Variants in ADGB observed in about 807,000 individuals in gnomAD.
The protein encoded by ADGB is androglobin.
A neutral mutation model predicts 210.5 loss-of-function variants in ADGB; 172 were observed. The ratio of observed to expected loss-of-function variants is 0.82; its 90% CI spans 0.72 to 0.93. The LOEUF is 0.93. ADGB is among the 40% of genes least tolerant of loss of function. ADGB has a pLI of 0.00. For synonymous variants in ADGB, 658 were observed against 662.7 expected, an observed-to-expected ratio of 0.99 and a Z score of 0.11; for missense variants, 2,025 against 1,964.8, an observed-to-expected ratio of 1.03 and a Z score of -0.58.
rs746736928 is a variant in ADGB, at chr6:146,656,874, T to C, written c.506T>C (p.Leu169Pro). 6.4e-7 allele frequency: 1 copy of C among 1,551,572 alleles called. No individual in the cohort carries two copies. The highest frequency in any genetic ancestry group is 1.2e-5 in the South Asian group (1 of 84,018). Residue 169 changes from leucine to proline, a missense_variant, in exon 5 of 36, where the codon CTC (leucine) becomes CCC (proline). By Grantham distance (98) the Leu-to-Pro change is moderately conservative. Transcript: ENST00000397944. ...FKGTSGEPPLLPWKPWEHIYS... is the reference protein window; with the variant it reads ...FKGTSGEPPLPPWKPWEHIYS... The stretch of plus-strand genomic sequence containing the variant: ...GGGACTTCAGGGGAACCTCCTCTTC[T>C]CCCCTGGAAGCCCTGGGAACACATA...
intron 7 of ADGB, among the ~76,000 whole-genome samples, chr6:146,668,331 G>A (rs1775964115): frequency 6.6e-6 from 1 of 152,038 alleles, no homozygotes; most frequent in Non-Finnish European, 1.5e-5. Context: ...AGAGATTAGA[G>A]GAGGTTGAAG....
intron 1 of ADGB, 53 bp from the exon 2 acceptor site, chr6:146,635,322 G>T: frequency 7.5e-7 from 1 of 1,326,372 alleles, no homozygotes; most frequent in South Asian, 2.1e-5. Flanking sequence ...TCCAATATTT[G>T]ATCTCAGAGA....
chr6:146,715,289 T>TA (rs1405393680), intron 13 of ADGB, 93 bp from the exon 14 acceptor site: 1 of 1,118,520 alleles, frequency 8.9e-7, no homozygotes, highest in Non-Finnish European at 1.3e-6. Context: ...CTTCAAAGTT[T>TA]AAAAAAACTA....
intron 6 of ADGB, among the ~76,000 whole-genome samples, chr6:146,666,519 A>T: frequency 6.6e-6 from 1 of 152,092 alleles, no homozygotes; most frequent in East Asian, 1.9e-4. Flanking sequence ...TATTCTAATT[A>T]TATATTTCAT....
chr6:146,667,199 G>T (rs1775948732), intron 7 of ADGB, among the ~76,000 whole-genome samples: 1 of 151,902 alleles, frequency 6.6e-6, no homozygotes. Flanking sequence ...ATTTCCATGG[G>T]AAATCTACAA....
At chr6:146,624,485 A>G (rs1780944493) in intron 1 of ADGB, among the ~76,000 whole-genome samples, 1 of 151,860 alleles carries the variant, frequency 6.6e-6, no homozygotes. Flanking sequence ...CAATCTGATG[A>G]AAGGTTGTTA....
At position 146,740,590 on chromosome 6, in the gene ADGB, T is replaced by G. The variant is rs1468660899; in HGVS notation, c.3020T>G (p.Phe1007Cys). 1.3e-6 allele frequency: 2 copies of G among 1,550,270 alleles called. No individual in the cohort carries two copies. The change falls in exon 24 of 36, where the codon TTC becomes TGC. Residue 1007 changes from phenylalanine (F) to cysteine (C), a missense_variant. Physicochemically the swap from Phe to Cys is radical, Grantham distance 205 (BLOSUM62 -2). Transcript: ENST00000397944. ...EQPPNSWFIV[F>C]RETFLVHQDM... ...CCACCAAATTCTTGGTTTATAGTAT[T>G]CAGGTGAGGTTGTTATATAGTGACA...
At chr6:146,633,525 T>G (rs1313117582) in intron 1 of ADGB, among the ~76,000 whole-genome samples, 1 of 152,028 alleles carries the variant, frequency 6.6e-6, no homozygotes, top group African/African-American at 2.4e-5. Flanking sequence ...CTCACACAGC[T>G]TAAGGCACAC....
At chr6:146,679,241 C>A (rs1228034501) in intron 9 of ADGB, among the ~76,000 whole-genome samples, 1 of 152,148 alleles carries the variant, frequency 6.6e-6, no homozygotes, top group East Asian at 1.9e-4. Context: ...TACCACATTC[C>A]ACTTTCCTGA....
At chr6:146,640,014 T>A (rs1775483972) in intron 2 of ADGB, among the ~76,000 whole-genome samples, 1 of 151,822 alleles carries the variant, frequency 6.6e-6, no homozygotes, top group Admixed American at 6.6e-5. Flanking sequence ...GGCCACTAGC[T>A]AGGCTAATAA....
chr6:146,605,600 T>C (rs556901794), intron 1 of ADGB, among the ~76,000 whole-genome samples: 1 of 152,160 alleles, frequency 6.6e-6, no homozygotes, highest in Admixed American at 6.5e-5. Flanking sequence ...AGCTAAACCA[T>C]AAACTCCCTG....
In ADGB at chr6:146,599,059, A is replaced by G. The variant is rs1780512750; in HGVS notation, c.19A>G (p.Lys7Glu). MASKQT[K>E]KKEVHRINSA... ...TTCTGCCATGGCCTCCAAACAAACCAAAAAGAAAGAGGTGCATCGTATCAA... is the reference window on the plus strand; with the variant it reads ...TTCTGCCATGGCCTCCAAACAAACCGAAAAGAAAGAGGTGCATCGTATCAA... Residue 7 changes from lysine to glutamate, a missense_variant, in exon 1 of 36, where the codon AAA becomes GAA. Lys to Glu is a moderately conservative substitution (Grantham distance 56). Coordinates refer to ENST00000397944, the MANE Select transcript of ADGB (RefSeq NM_024694.4). 2 of 1,551,646 alleles carry G rather than the reference A, an allele frequency of 1.3e-6. No homozygotes were observed. Among genetic ancestry groups the G allele is most frequent in the African/African-American group, 2.7e-5 (2 of 73,166 alleles).
chr6:146,644,669 C>T (rs1359948440), intron 2 of ADGB, 104 bp from the exon 3 acceptor site: 3 of 630,342 alleles, frequency 4.8e-6, no homozygotes, highest in African/African-American at 1.9e-5. Flanking sequence ...TTTGTAAAGG[C>T]TTATTGATTG....
Position 146,787,652 on chromosome 6 carries a change from CTTTCCTA to C in ADGB, c.4316-734_4316-728del, listed in dbSNP as rs1777893149. ...CAACATTTCTTCATGCTCTTAAGTA[CTTTCCTA>C]TTGCCACCTTTCTTATTTCAACATT... On this transcript the variant is annotated intron_variant, in intron 32 of 35. Transcript: ENST00000397944. 2.3e-4 allele frequency among the ~76,000 whole-genome samples: 28 copies of C among 120,094 alleles called. 1 individual carries two copies. Among genetic ancestry groups the C allele is most frequent in the Admixed American group, 1.7e-3 (19 of 11,196 alleles). The allele number at this position is 120,094 out of a possible 152,430, so 78.8% of individuals were successfully genotyped here.
intron 12 of ADGB, among the ~76,000 whole-genome samples, chr6:146,694,759 A>T (rs1245688292): frequency 6.6e-6 from 1 of 152,144 alleles, no homozygotes; most frequent in Non-Finnish European, 1.5e-5. Context: ...AGGTTTCTAG[A>T]TGTGTAAAAA....
chr6:146,808,946 G>A lies in ADGB; in HGVS notation c.4819-6086G>A, dbSNP rs1778256446. On this transcript the variant is annotated intron_variant, in intron 35 of 35. Coordinates refer to ENST00000397944, the MANE Select transcript of ADGB (RefSeq NM_024694.4). ...AGAAAGCTGGGACCAAGTGGCCATTGCGATCGTGGAGGCCGCGAAGGCCTC... is the reference window on the plus strand; with the variant it reads ...AGAAAGCTGGGACCAAGTGGCCATTACGATCGTGGAGGCCGCGAAGGCCTC... Among the ~76,000 whole-genome samples, 8 of 152,080 alleles carry A rather than the reference G, an allele frequency of 5.3e-5. 1 individual carries two copies. The South Asian group carries it at 1.7e-3, about 32-fold the overall frequency.
intron 13 of ADGB, among the ~76,000 whole-genome samples, chr6:146,713,751 T>G (rs1263179306): frequency 6.6e-6 from 1 of 152,100 alleles, no homozygotes; most frequent in Non-Finnish European, 1.5e-5. Context: ...TTTTTTTTTA[T>G]TTTGATGCTC....
intron 27 of ADGB, among the ~76,000 whole-genome samples, chr6:146,758,969 C>T (rs953823896): frequency 3.3e-5 from 5 of 151,902 alleles, no homozygotes; most frequent in African/African-American, 1.2e-4. Context: ...TAAATTGATG[C>T]TATTAATTTG....
At chr6:146,664,365 A>G (rs1775909065) in intron 6 of ADGB, 25 bp downstream of exon 6, 5 of 1,517,340 alleles carry the variant, frequency 3.3e-6, no homozygotes, top group Non-Finnish European at 4.4e-6. Context: ...TATCACTCAC[A>G]TGAATAAAAA....
Sources: allele counts gnomAD v4.1 joint callset (sites outside exome capture counted in the v4.1 genomes callset), GRCh38; gene constraint gnomAD v4.1.1; transcripts MANE v1.5; gene names NCBI Gene and HGNC (gene_info 2026-07-23, HGNC 2026-07-21).